Variants in USH2A observed in about 807,000 individuals in gnomAD.
USH2A encodes the protein usherin.
In USH2A, 443 loss-of-function variants were observed where a neutral mutation model predicts 538.9. The ratio of observed to expected loss-of-function variants is 0.82; its 90% CI spans 0.76 to 0.89. The LOEUF (loss-of-function observed/expected upper bound fraction) is 0.89, where lower values mean the gene tolerates loss of function less well. USH2A is among the 40% of genes least tolerant of loss of function. USH2A has a pLI of 0.00. For missense variants in USH2A, 6,633 were observed against 6,324.8 expected, an observed-to-expected ratio of 1.05 and a Z score of -1.65; for synonymous variants, 2,413 against 2,273.5, an observed-to-expected ratio of 1.06 and a Z score of -1.75.
In USH2A at chr1:215,778,990, T is replaced by G. The variant is rs527853095; in HGVS notation, c.10939+853A>C. On this transcript the variant is annotated intron_variant, in intron 55 of 71. Transcript: ENST00000307340. ...CTTCTTCCCCAAACGTTTATTTAGC[T>G]CCTATTAATGTGTTCAGGACTATAA... is the stretch of plus-strand genomic sequence containing the variant. Among the ~76,000 whole-genome samples the G allele has an allele frequency of 1.2e-4, 18 of 152,298 alleles. No homozygotes were observed. In the East Asian group the frequency reaches 3.3e-3, roughly 28 times the overall value.
chr1:216,006,990 C>T (rs1214084233), intron 32 of USH2A, among the ~76,000 whole-genome samples: 5 of 152,110 alleles, frequency 3.3e-5, no homozygotes, highest in Admixed American at 6.6e-5. Context: ...GGGAGGGACC[C>T]GGTGGGAGAT....
At chr1:216,117,378 T>C (rs1035879269) in intron 21 of USH2A, among the ~76,000 whole-genome samples, 3 of 152,204 alleles carry the variant, frequency 2.0e-5, no homozygotes, top group African/African-American at 7.2e-5. Context: ...AATTATATAA[T>C]CACTCTTACA....
chr1:216,163,435 C>A (rs2034103352), intron 21 of USH2A, among the ~76,000 whole-genome samples: 1 of 151,656 alleles, frequency 6.6e-6, no homozygotes. Flanking sequence ...ATACATATTT[C>A]CATATATCTG....
intron 60 of USH2A, among the ~76,000 whole-genome samples, chr1:215,732,407 T>A (rs1660022838): frequency 6.6e-6 from 1 of 152,312 alleles, no homozygotes; most frequent in Non-Finnish European, 1.5e-5. Flanking sequence ...TAGTCCCATT[T>A]TATATTCTAG....
chr1:215,988,455 G>T (rs188376100), intron 35 of USH2A, among the ~76,000 whole-genome samples: 2 of 152,200 alleles, frequency 1.3e-5, no homozygotes, highest in East Asian at 3.9e-4. Flanking sequence ...TAGGTTGTTT[G>T]CACCTCGTAG....
At chr1:216,176,376 C>G (rs960271809) in intron 20 of USH2A, among the ~76,000 whole-genome samples, 1 of 152,146 alleles carries the variant, frequency 6.6e-6, no homozygotes, top group South Asian at 2.1e-4. Flanking sequence ...GCTGGGACTA[C>G]AGACAGGTGC....
At chr1:215,870,051 C>T (rs759483829) in intron 43 of USH2A, among the ~76,000 whole-genome samples, 1 of 152,012 alleles carries the variant, frequency 6.6e-6, no homozygotes, top group African/African-American at 2.4e-5. Flanking sequence ...ACAGATTAAA[C>T]AAAAAACCCT....
chr1:216,018,302 A>G lies in USH2A; in HGVS notation c.6326-17740T>C, dbSNP rs549597593. On this transcript the variant is annotated intron_variant, in intron 32 of 71. Transcript: ENST00000307340. ...GATTTGGGCCAGGCTTAAGGGGCAC[A>G]TTCAAGAATAAGAACGCAGCTAGTG... Among the ~76,000 whole-genome samples the G allele has an allele frequency of 2.1e-3, 319 of 152,326 alleles. 4 individuals carry two copies. The highest frequency in any genetic ancestry group is 0.017 in the South Asian group (83 of 4,828).
At chr1:216,123,091 A>T (rs956621177) in intron 21 of USH2A, among the ~76,000 whole-genome samples, 1 of 152,186 alleles carries the variant, frequency 6.6e-6, no homozygotes, top group African/African-American at 2.4e-5. Context: ...ATTTATGCCA[A>T]TTATACAGAT....
Position 215,759,756 on chromosome 1 carries a change from A to C in USH2A, c.11135T>G (p.Val3712Gly). Reference sequence around the variant, plus strand: ...ATTACGACTCAATTGATATTGAGAAACGAGGCCATTGGGCTTTTCTGGCAG... The same window carrying C: ...ATTACGACTCAATTGATATTGAGAACCGAGGCCATTGGGCTTTTCTGGCAG... ...WSLPEKPNGL[V>G]SQYQLSRNGN... The change falls in exon 57 of 72, where the codon GTT becomes GGT. Residue 3712 changes from valine to glycine, a missense_variant. By Grantham distance (109) the Val-to-Gly change is moderately radical. Transcript: ENST00000307340. 6.2e-7 allele frequency: 1 copy of C among 1,614,118 alleles called. No homozygotes were observed. The highest frequency in any genetic ancestry group is 1.7e-5 in the Admixed American group (1 of 60,018).
chr1:216,179,460 A>G (rs1326312268), intron 20 of USH2A, among the ~76,000 whole-genome samples: 1 of 152,120 alleles, frequency 6.6e-6, no homozygotes, highest in Admixed American at 6.6e-5. Context: ...TTAGAAGTCA[A>G]TTCCTGAGAA....
intron 35 of USH2A, among the ~76,000 whole-genome samples, chr1:215,971,370 T>C (rs1421065821): frequency 2.6e-5 from 4 of 152,122 alleles, no homozygotes; most frequent in Non-Finnish European, 5.9e-5. Context: ...GGTCCAATCA[T>C]ATAAGCATTG....
rs185127820 is a variant in USH2A, at chr1:216,401,885, G to A, written c.651+16629C>T. Among the ~76,000 whole-genome samples the A allele has an allele frequency of 2.1e-3, 324 of 152,138 alleles. 1 individual carries two copies. The highest frequency in any genetic ancestry group is 7.7e-3 in the African/African-American group (318 of 41,540). ...AACAGCAAACTCTCAGCAATTGATA[G>A]AACTAGTAAAAAGGACATCATTACA... On this transcript the variant is annotated intron_variant, in intron 3 of 71. Transcript: ENST00000307340.
chr1:216,148,553 G>T (rs1307335906), intron 21 of USH2A, among the ~76,000 whole-genome samples: 1 of 152,058 alleles, frequency 6.6e-6, no homozygotes, highest in Non-Finnish European at 1.5e-5. Context: ...CTCACAGCAT[G>T]CTTTGAAAGG....
At chr1:216,322,312 T>C (rs937363665) in intron 8 of USH2A, among the ~76,000 whole-genome samples, 1 of 151,998 alleles carries the variant, frequency 6.6e-6, no homozygotes, top group African/African-American at 2.4e-5. Context: ...GTTAAGAATA[T>C]AAAGTTCAGG....
intron 16 of USH2A, among the ~76,000 whole-genome samples, chr1:216,200,970 C>CCCCTCCCTCCCTCCCT (rs1558313736): frequency 1.0e-4 from 5 of 49,316 alleles, no homozygotes; most frequent in Non-Finnish European, 2.0e-4. Context: ...TTCCCCTCCC[C>CCCCTCCCTCCCTCCCT]CCATCCATCC....
At chr1:215,731,784 A>T (rs1660001734) in intron 60 of USH2A, among the ~76,000 whole-genome samples, 1 of 152,182 alleles carries the variant, frequency 6.6e-6, no homozygotes, top group Non-Finnish European at 1.5e-5. Context: ...CACCATAACA[A>T]TTTTGAGGTT....
intron 60 of USH2A, among the ~76,000 whole-genome samples, chr1:215,740,737 C>A (rs1660276340): frequency 6.6e-6 from 1 of 152,210 alleles, no homozygotes; most frequent in African/African-American, 2.4e-5. Context: ...AACTTTTTGG[C>A]ACCAGGGACT....
At chr1:216,335,848 AAAG>A (rs957134351) in intron 4 of USH2A, among the ~76,000 whole-genome samples, 27 of 151,754 alleles carry the variant, frequency 1.8e-4, no homozygotes, top group Middle Eastern at 6.8e-3. Context: ...CCAAACATTT[AAAG>A]AAGAAGTAGC....
Sources: gnomAD v4.1 joint callset for allele counts (sites outside exome capture counted in the v4.1 genomes callset) on GRCh38, gnomAD v4.1.1 for gene constraint, MANE v1.5 for transcripts, NCBI Gene and HGNC (gene_info 2026-07-23, HGNC 2026-07-21) for gene names.